Variants in CPZ observed in about 807,000 individuals in gnomAD.
The protein encoded by CPZ is VEZT/CPZ fusion.
A neutral mutation model predicts 61.8 loss-of-function variants in CPZ; 103 were observed. The observed-to-expected ratio is 1.67, with a 90% CI of 1.42 to 1.96. The LOEUF (loss-of-function observed/expected upper bound fraction) is 1.96, where lower values mean the gene tolerates loss of function less well. CPZ is among the 30% of genes most tolerant of loss of function. CPZ has a pLI of 0.00. For synonymous variants in CPZ, 551 were observed against 373.7 expected, an observed-to-expected ratio of 1.47 and a Z score of -5.47; for missense variants, 1,461 against 914.9, an observed-to-expected ratio of 1.60 and a Z score of -7.70.
chr4:8,616,530 GC>G (rs1716181644), intron 9 of CPZ, among the ~76,000 whole-genome samples: 1 of 152,228 alleles, frequency 6.6e-6, no homozygotes, highest in Non-Finnish European at 1.5e-5. Flanking sequence ...CCTGGGGTAG[GC>G]CCCCAGTGTG....
intron 10 of CPZ, among the ~76,000 whole-genome samples, chr4:8,618,932 A>C (rs1324173865): frequency 6.6e-6 from 1 of 152,186 alleles, no homozygotes; most frequent in Non-Finnish European, 1.5e-5. Flanking sequence ...CAGCCGATGA[A>C]AAATGACGGT....
Position 8,606,102 on chromosome 4 carries a change from C to A in CPZ, c.823C>A (p.Arg275Ser), listed in dbSNP as rs140850654. 2.5e-6 allele frequency: 4 copies of A among 1,614,068 alleles called. No individual in the cohort carries two copies. In the East Asian group the frequency reaches 6.7e-5, roughly 27 times the overall value. ...CTCTGAGTACCTGCTTGGTAACCCC[C>A]GCATCCAGCGCCTGCTCAACACCAC... ...LCSEYLLGNP[R>S]IQRLLNTTRI... The change falls in exon 5 of 11, where the codon CGC becomes AGC. Residue 275 changes from arginine (R) to serine (S), a missense_variant. Physicochemically the swap from Arg to Ser is moderately radical, Grantham distance 110. Transcript: ENST00000360986.
At position 8,607,419 on chromosome 4, in the gene CPZ, CGAGAAGGT is replaced by C; in HGVS notation, c.1226_1227+6del. 6.2e-7 allele frequency: 1 copy of C among 1,613,792 alleles called. No homozygotes were observed. The highest frequency in any genetic ancestry group is 8.5e-7 in the Non-Finnish European group (1 of 1,179,832). ...AGAAGATGTTTTCTCCCACGCCCGA[CGAGAAGGT>C]GAGAGGGCTGTCGGGTGTGTGCAGG... On this transcript the variant is annotated splice_donor_variant and coding_sequence_variant, in exon 7 of 11. Coordinates refer to ENST00000360986, the MANE Select transcript of CPZ (RefSeq NM_001014447.3). LOFTEE classifies it high-confidence loss of function.
At chr4:8,607,468 G>C (rs12643627) in intron 7 of CPZ, 43 bp downstream of exon 7, 4 of 1,598,838 alleles carry the variant, frequency 2.5e-6, no homozygotes, top group Admixed American at 3.4e-5. Flanking sequence ...GAGACAGTGT[G>C]CGCGGTCCCC....
chr4:8,619,488 G>C lies in CPZ; in HGVS notation c.1830G>C (p.Leu610Phe), dbSNP rs778915613. ...ACCCACTGGGAGGTGCCAGCTCTTT[G>C]GGGGAGGCCACGGAGCCCGACCCGC... Reference protein sequence around the residue: ...PHDPLGGASSLGEATEPDPLR... With the variant: ...PHDPLGGASSFGEATEPDPLR... Residue 610 changes from leucine (L) to phenylalanine (F), a missense_variant, in exon 11 of 11, where the codon TTG (leucine) becomes TTC (phenylalanine). By Grantham distance (22) the Leu-to-Phe change is conservative (BLOSUM62 0). Transcript: ENST00000360986. 2.5e-6 allele frequency: 4 copies of C among 1,607,634 alleles called. No homozygotes were observed. Among genetic ancestry groups the C allele is most frequent in the Non-Finnish European group, 3.4e-6 (4 of 1,175,720 alleles).
At position 8,604,442 on chromosome 4, in the gene CPZ, A is replaced by G. The variant is rs111378124; in HGVS notation, c.709+254A>G. Among the ~76,000 whole-genome samples the G allele has an allele frequency of 7.4e-3, 1,122 of 152,376 alleles. 7 individuals carry two copies. The highest frequency in any genetic ancestry group is 0.04 in the South Asian group (193 of 4,832). On this transcript the variant is annotated intron_variant, in intron 4 of 10. Transcript: ENST00000360986. ...TAGGTTATTTCATAATAATGGAGACATTGATCTAGTGGCTGAAAAGATATA... is the reference window on the plus strand; with the variant it reads ...TAGGTTATTTCATAATAATGGAGACGTTGATCTAGTGGCTGAAAAGATATA...
chr4:8,618,493 T>G lies in CPZ; in HGVS notation c.1568T>G (p.Ile523Ser). Reference protein sequence around the residue: ...KFGKPVKNARISVKGIRHDIT... With the variant: ...KFGKPVKNARSSVKGIRHDIT... The stretch of plus-strand genomic sequence containing the variant: ...GGCAAGCCAGTCAAAAACGCCCGGA[T>G]CTCAGTCAAAGGCATTCGCCACGAC... The change falls in exon 10 of 11, where the codon ATC becomes AGC. Residue 523 changes from isoleucine to serine, a missense_variant. Transcript: ENST00000360986. The G allele has an allele frequency of 6.2e-7, 1 of 1,614,096 alleles. No homozygotes were observed. The highest frequency in any genetic ancestry group is 8.5e-7 in the Non-Finnish European group (1 of 1,180,020).
At chr4:8,618,086 TGGGAAGGCA>T (rs1298733316) in intron 9 of CPZ, 14 of 314,220 alleles carry the variant, frequency 4.5e-5, no homozygotes, top group Admixed American at 9.5e-5. Context: ...CCGCTGGGGC[TGGGAAGGCA>T]GGGAAGGAAT....
intron 9 of CPZ, among the ~76,000 whole-genome samples, chr4:8,616,598 G>A (rs1716188186): frequency 6.6e-6 from 1 of 152,136 alleles, no homozygotes; most frequent in African/African-American, 2.4e-5. Context: ...TGTTTTGAAG[G>A]GAGGGAAGGA....
chr4:8,612,212 C>CGGGGGGGG, intron 8 of CPZ, 50 bp downstream of exon 8: 1 of 64,646 alleles, frequency 1.5e-5, no homozygotes. Context: ...GGTGCAGGGG[C>CGGGGGGGG]TGGGTGGGGC....
rs1716275271 is a variant in CPZ, at chr4:8,617,461, C to G, written c.1504-968C>G. ...CCCAGGCTCTTTGCTTCTGTGGACTCCTCCCTCCATATAAAGTATTTAAAA... is the reference window on the plus strand; with the variant it reads ...CCCAGGCTCTTTGCTTCTGTGGACTGCTCCCTCCATATAAAGTATTTAAAA... On this transcript the variant is annotated intron_variant, in intron 9 of 10. Transcript: ENST00000360986. 2.6e-5 allele frequency among the ~76,000 whole-genome samples: 4 copies of G among 152,146 alleles called. No individual in the cohort carries two copies. The South Asian group carries it at 8.3e-4, about 32-fold the overall frequency.
chr4:8,617,560 CTGATTT>C (rs1333529188), intron 9 of CPZ, among the ~76,000 whole-genome samples: 2 of 152,180 alleles, frequency 1.3e-5, no homozygotes, highest in East Asian at 1.9e-4. Flanking sequence ...TGCTTTTATC[CTGATTT>C]TAAGAGGAGC....
chr4:8,612,287 G>C, intron 8 of CPZ, 125 bp downstream of exon 8: 1 of 808,444 alleles, frequency 1.2e-6, no homozygotes. Flanking sequence ...AAGACAGGGC[G>C]ATGCCTCACC....
chr4:8,600,471 C>T (rs944240970), intron 2 of CPZ, among the ~76,000 whole-genome samples: 7 of 152,174 alleles, frequency 4.6e-5, no homozygotes, highest in African/African-American at 1.4e-4. Context: ...AGTCAGCTCC[C>T]GACGGGGCTG....
At chr4:8,609,273 TCACA>T (rs1193647021) in intron 7 of CPZ, among the ~76,000 whole-genome samples, 2 of 139,520 alleles carry the variant, frequency 1.4e-5, no homozygotes, top group Non-Finnish European at 3.0e-5. Context: ...TCTTATTCAT[TCACA>T]CACTAATTTT....
intron 1 of CPZ, 25 bp downstream of exon 1, chr4:8,592,946 C>G: frequency 1.4e-6 from 2 of 1,478,512 alleles, no homozygotes; most frequent in Non-Finnish European, 1.8e-6. Flanking sequence ...TGCCCCCACC[C>G]TCCACCCTCC....
At chr4:8,609,456 G>A (rs1715456167) in intron 7 of CPZ, among the ~76,000 whole-genome samples, 1 of 137,684 alleles carries the variant, frequency 7.3e-6, no homozygotes, top group Non-Finnish European at 1.5e-5. Flanking sequence ...TGCAGGTAGT[G>A]CACACCAAGG....
At chr4:8,597,149 A>G (rs1249377631) in intron 1 of CPZ, among the ~76,000 whole-genome samples, 1 of 152,152 alleles carries the variant, frequency 6.6e-6, no homozygotes, top group Non-Finnish European at 1.5e-5. Context: ...GGGTCAGCTG[A>G]GTGCAAACCC....
intron 8 of CPZ, among the ~76,000 whole-genome samples, chr4:8,613,191 G>A (rs113137074): frequency 3.3e-5 from 5 of 151,582 alleles, no homozygotes; most frequent in Admixed American, 6.6e-5. Context: ...GAGCACAGTG[G>A]TGCGATCGCA....
Sources: gnomAD v4.1 joint callset for allele counts (sites outside exome capture counted in the v4.1 genomes callset) on GRCh38, gnomAD v4.1.1 for gene constraint, MANE v1.5 for transcripts, NCBI Gene and HGNC (gene_info 2026-07-23, HGNC 2026-07-21) for gene names.